ZBTB20: variants seen among roughly 807,000 people sequenced by gnomAD.
ZBTB20 encodes zinc finger and BTB domain-containing protein 20.
Under a neutral mutation model 56.9 loss-of-function variants are expected in ZBTB20, and 9 were observed. The observed-to-expected ratio is 0.16, with a 90% CI of 0.10 to 0.28. ZBTB20 has a LOEUF of 0.28. ZBTB20 is among the 10% of genes least tolerant of loss of function. The pLI, the probability that ZBTB20 is intolerant of heterozygous loss-of-function variation, is 1.00. For synonymous variants in ZBTB20, 417 were observed against 420.7 expected, an observed-to-expected ratio of 0.99 and a Z score of 0.11; for missense variants, 655 against 1,003.0, an observed-to-expected ratio of 0.65 and a Z score of 4.69.
intron 6 of ZBTB20, among the ~76,000 whole-genome samples, chr3:114,648,565 A>G (rs1004096154): frequency 1.3e-5 from 2 of 152,038 alleles, no homozygotes; most frequent in African/African-American, 4.8e-5. Context: ...CAATAATAAT[A>G]TTATATTACA....
In ZBTB20 at chr3:114,737,748, G is replaced by C. The variant is rs183543000; in HGVS notation, c.-342-44173C>G. On this transcript the variant is annotated intron_variant, in intron 5 of 11. Coordinates refer to ENST00000675478, the MANE Select transcript of ZBTB20 (RefSeq NM_001348800.3). ...TAGCCTCCTTAGGAAGGCTGTTTTA[G>C]GAAGACATGGGTAGAAATATTTTCA... Among the ~76,000 whole-genome samples, 119 of 152,174 alleles carry C rather than the reference G, an allele frequency of 7.8e-4. 1 individual carries two copies. In the East Asian group the frequency reaches 0.016, roughly 20 times the overall value.
At chr3:114,864,951 A>AT (rs1042417826) in intron 4 of ZBTB20, among the ~76,000 whole-genome samples, 2 of 151,988 alleles carry the variant, frequency 1.3e-5, no homozygotes, top group Non-Finnish European at 2.9e-5. Flanking sequence ...CTCAAATAAA[A>AT]TTTTTTTGGA....
At chr3:114,573,652 T>C (rs2053691422) in intron 6 of ZBTB20, among the ~76,000 whole-genome samples, 2 of 151,732 alleles carry the variant, frequency 1.3e-5, no homozygotes, top group Admixed American at 1.3e-4. Context: ...GGCTAATCAC[T>C]TAAGGCAAAG....
At chr3:115,146,202 C>G (rs1241554452) in intron 1 of ZBTB20, among the ~76,000 whole-genome samples, 1 of 152,204 alleles carries the variant, frequency 6.6e-6, no homozygotes, top group Non-Finnish European at 1.5e-5. Context: ...AGTGAGAGAT[C>G]AGCGGATTAC....
chr3:114,359,290 T>A (rs2081564034), intron 10 of ZBTB20: 1 of 152,210 alleles, frequency 6.6e-6, no homozygotes, highest in Non-Finnish European at 1.5e-5. Flanking sequence ...GCTTTATGAA[T>A]TTTTTATACT....
intron 2 of ZBTB20, among the ~76,000 whole-genome samples, chr3:115,018,342 G>A (rs372274171): frequency 2.6e-5 from 4 of 151,166 alleles, no homozygotes; most frequent in African/African-American, 7.3e-5. Context: ...AGACTATAAC[G>A]AAAAGTAATT....
chr3:114,925,486 G>GTTT (rs2076120961), intron 3 of ZBTB20, among the ~76,000 whole-genome samples: 1 of 151,988 alleles, frequency 6.6e-6, no homozygotes, highest in Non-Finnish European at 1.5e-5. Flanking sequence ...ATTTTACTGG[G>GTTT]TTGAAGTAAT....
chr3:114,362,716 C>T (rs574421916), intron 10 of ZBTB20, among the ~76,000 whole-genome samples: 1 of 152,206 alleles, frequency 6.6e-6, no homozygotes, highest in East Asian at 1.9e-4. Flanking sequence ...AGAGACAGCT[C>T]ACTGGGTCCC....
intron 6 of ZBTB20, among the ~76,000 whole-genome samples, chr3:114,542,939 TG>T (rs1354081817): frequency 6.6e-6 from 1 of 152,124 alleles, no homozygotes; most frequent in African/African-American, 2.4e-5. Flanking sequence ...AAACGAAAGC[TG>T]GAAAGATCTA....
intron 7 of ZBTB20, among the ~76,000 whole-genome samples, chr3:114,424,927 T>C (rs1182331361): frequency 6.6e-6 from 1 of 152,198 alleles, no homozygotes; most frequent in African/African-American, 2.4e-5. Context: ...TCTTTCTTTC[T>C]TTCTTTTTTT....
chr3:114,708,032 G>A (rs2063823323), intron 5 of ZBTB20, among the ~76,000 whole-genome samples: 1 of 152,176 alleles, frequency 6.6e-6, no homozygotes, highest in Admixed American at 6.6e-5. Flanking sequence ...TGAGTGTTCA[G>A]TTAGGACAAG....
chr3:115,022,429 C>A (rs1484606194), intron 2 of ZBTB20, among the ~76,000 whole-genome samples: 1 of 151,006 alleles, frequency 6.6e-6, no homozygotes, highest in South Asian at 2.1e-4. Context: ...ACAATGTTGA[C>A]CTTCAGTGCC....
intron 2 of ZBTB20, among the ~76,000 whole-genome samples, chr3:115,049,633 T>C (rs1327739865): frequency 1.3e-5 from 2 of 152,096 alleles, no homozygotes; most frequent in African/African-American, 4.8e-5. Context: ...GCTCAAAAAG[T>C]TTTGGACTTT....
intron 2 of ZBTB20, among the ~76,000 whole-genome samples, chr3:115,006,801 C>G (rs1560484933): frequency 6.6e-6 from 1 of 151,530 alleles, no homozygotes; most frequent in African/African-American, 2.4e-5. Context: ...GTTTTAATAG[C>G]CTAATATTTG....
chr3:114,687,825 T>A (rs758733442), intron 6 of ZBTB20: 1 of 152,160 alleles, frequency 6.6e-6, no homozygotes, highest in African/African-American at 2.4e-5. Flanking sequence ...CAAGAAATAA[T>A]ACAGGCTCTT....
At chr3:114,726,731 T>C (rs776178548) in intron 5 of ZBTB20, among the ~76,000 whole-genome samples, 12 of 150,072 alleles carry the variant, frequency 8.0e-5, no homozygotes, top group African/African-American at 2.7e-4. Context: ...GCTAACATGG[T>C]GAAACCCCGT....
intron 7 of ZBTB20, among the ~76,000 whole-genome samples, chr3:114,404,065 G>A (rs981937250): frequency 3.9e-5 from 6 of 152,146 alleles, no homozygotes; most frequent in Non-Finnish European, 7.4e-5. Flanking sequence ...CTCCTGCTCC[G>A]TGCCTATGCA....
chr3:115,061,873 A>G (rs1186244653), intron 2 of ZBTB20, among the ~76,000 whole-genome samples: 1 of 152,180 alleles, frequency 6.6e-6, no homozygotes, highest in Non-Finnish European at 1.5e-5. Context: ...ATATCTGAGT[A>G]TATCTTCAAT....
At chr3:114,439,688 G>C (rs1468283599) in intron 7 of ZBTB20, among the ~76,000 whole-genome samples, 1 of 152,172 alleles carries the variant, frequency 6.6e-6, no homozygotes, top group Non-Finnish European at 1.5e-5. Flanking sequence ...CCTACTTCTT[G>C]AGTGGATAGA....
Sources: allele counts gnomAD v4.1 joint callset (sites outside exome capture counted in the v4.1 genomes callset), GRCh38; gene constraint gnomAD v4.1.1; transcripts MANE v1.5; gene names NCBI Gene and HGNC (gene_info 2026-07-23, HGNC 2026-07-21).